ELL: variants seen among roughly 807,000 people sequenced by gnomAD.
ELL encodes elongation factor for RNA polymerase II.
ELL carries 18 observed loss-of-function variants against 64.0 expected under a neutral mutation model. That is an observed-to-expected ratio of 0.28 (90% confidence interval 0.19 to 0.42). ELL has a LOEUF of 0.42. ELL is among the 10% of genes least tolerant of loss of function. The pLI is 1.00. For missense variants in ELL, 797 were observed against 870.4 expected (o/e 0.92, Z 1.06); for synonymous variants, 399 against 376.2 (o/e 1.06, Z -0.70).
intron 5 of ELL, among the ~76,000 whole-genome samples, chr19:18,459,886 T>C (rs1056177440): frequency 6.6e-6 from 1 of 152,238 alleles, no homozygotes; most frequent in Non-Finnish European, 1.5e-5. Flanking sequence ...CCAGTTTCTC[T>C]GTAGCATAAA....
intron 1 of ELL, among the ~76,000 whole-genome samples, chr19:18,519,179 G>GA (rs1162571769): frequency 6.7e-6 from 1 of 148,366 alleles, no homozygotes; most frequent in African/African-American, 2.5e-5. Context: ...TGGCTAACAC[G>GA]AAAAATCGCA....
rs1318776970 is a variant in ELL at position 18,451,573 on chromosome 19, C to A, written c.945G>T (p.Gly315=). 5 of 1,492,736 alleles carry A rather than the reference C, an allele frequency of 3.3e-6. No homozygotes were observed. The highest frequency in any genetic ancestry group is 4.4e-6 in the Non-Finnish European group (5 of 1,129,546). The allele number at this position is 1,492,736 out of a possible 1,614,324, so 92.5% of individuals were successfully genotyped here. The stretch of plus-strand genomic sequence containing the variant: ...TTACCTGTGGGGGCGAGGCCGAGCG[C>A]CCACGCTCGCCTGGGGGGCTGGAGG... The part of the protein sequence containing the change: ...PAASSPPGER[G]RSASPPQKRL... Residue 315 remains glycine, a synonymous_variant, in exon 7 of 12, where the codon GGG becomes GGT. Transcript: ENST00000262809.
At chr19:18,478,218 AG>A (rs1975219760) in intron 1 of ELL, among the ~76,000 whole-genome samples, 1 of 152,180 alleles carries the variant, frequency 6.6e-6, no homozygotes, top group Non-Finnish European at 1.5e-5. Flanking sequence ...AACCCTTGTC[AG>A]GGGGGCCAAG....
intron 4 of ELL, among the ~76,000 whole-genome samples, chr19:18,462,874 TGG>T (rs1396561800): frequency 6.6e-6 from 1 of 152,140 alleles, no homozygotes; most frequent in Non-Finnish European, 1.5e-5. Flanking sequence ...GAGGTGCAAG[TGG>T]CACCCCAGCC....
intron 8 of ELL, among the ~76,000 whole-genome samples, chr19:18,450,156 TG>T (rs1416050881): frequency 6.6e-6 from 1 of 152,256 alleles, no homozygotes; most frequent in East Asian, 1.9e-4. Flanking sequence ...AGCTGGGGCC[TG>T]GGCCCCATTC....
chr19:18,484,121 G>A (rs1049999619), intron 1 of ELL, among the ~76,000 whole-genome samples: 2 of 152,364 alleles, frequency 1.3e-5, no homozygotes, highest in East Asian at 3.9e-4. Context: ...ACTCTGCAGT[G>A]TCTGAAACAG....
chr19:18,451,089 A>G (rs1974522410), intron 7 of ELL, 114 bp from the exon 8 acceptor site: 1 of 1,364,954 alleles, frequency 7.3e-7, no homozygotes, highest in African/African-American at 1.5e-5. Context: ...CACGCTGGCC[A>G]CATGGGGGCG....
chr19:18,520,989 C>T (rs1976255801), intron 1 of ELL, among the ~76,000 whole-genome samples: 1 of 151,698 alleles, frequency 6.6e-6, no homozygotes, highest in Non-Finnish European at 1.5e-5. Flanking sequence ...AGATGCGCCC[C>T]AAAGTCAGGC....
chr19:18,483,278 T>TC (rs1975343280), intron 1 of ELL, among the ~76,000 whole-genome samples: 1 of 152,134 alleles, frequency 6.6e-6, no homozygotes, highest in Admixed American at 6.5e-5. Context: ...CCCTGGATAT[T>TC]CCCCGGATGC....
chr19:18,448,583 G>C (rs1974464147), intron 8 of ELL: 1 of 152,298 alleles, frequency 6.6e-6, no homozygotes, highest in South Asian at 2.1e-4. Flanking sequence ...CGAAGGCCAA[G>C]CCCATGCTCC....
In ELL at chr19:18,459,496, C is replaced by T. The variant is rs188934728; in HGVS notation, c.745-1167G>A. Among the ~76,000 whole-genome samples the T allele has an allele frequency of 9.4e-4, 143 of 151,890 alleles. 1 individual carries two copies. The highest frequency in any genetic ancestry group is 3.3e-3 in the African/African-American group (138 of 41,386). ...TTCTGCTGCATCTGACATGGCTCTG[C>T]GTCACAGCGTATCCCATGGGGAGCA... On this transcript the variant is annotated intron_variant, in intron 5 of 11. Transcript: ENST00000262809.
Position 18,450,677 on chromosome 19 carries a change from G to C in ELL, c.1265C>G (p.Thr422Ser), listed in dbSNP as rs570976399. The change falls in exon 8 of 12, where the codon ACT becomes AGT. Residue 422 changes from threonine to serine, a missense_variant. Coordinates refer to ENST00000262809, the MANE Select transcript of ELL (RefSeq NM_006532.4). ...CAGCAGGGGCAGGCCGAGGCGCACA[G>C]TGGGGGCTGGGGCAGCCGCCTCTCC... ...EHGEAAAPAP[T>S]VRLGLPLLTD... The C allele has an allele frequency of 1.9e-5, 30 of 1,585,004 alleles. No homozygotes were observed. Among genetic ancestry groups the C allele is most frequent in the African/African-American group, 6.7e-5 (5 of 74,506 alleles).
chr19:18,497,607 C>G (rs1473250658), intron 1 of ELL, among the ~76,000 whole-genome samples: 1 of 151,808 alleles, frequency 6.6e-6, no homozygotes, highest in Admixed American at 6.6e-5. Context: ...ATCACTTGAG[C>G]CCAGAGTTTC....
At chr19:18,490,487 T>C (rs1975505339) in intron 1 of ELL, among the ~76,000 whole-genome samples, 1 of 152,232 alleles carries the variant, frequency 6.6e-6, no homozygotes, top group African/African-American at 2.4e-5. Context: ...AGTGGCACAC[T>C]GCACTCAGCT....
At position 18,475,394 on chromosome 19, in the gene ELL, C is replaced by T. The variant is rs114712695; in HGVS notation, c.136-2512G>A. On this transcript the variant is annotated intron_variant, in intron 1 of 11. Coordinates refer to ENST00000262809, the MANE Select transcript of ELL (RefSeq NM_006532.4). ...GGCGAGGACCCAGAACCTCTGCCGTCGTGGGCGGGAGTGGACAAGGCTCAG... is the reference window on the plus strand; with the variant it reads ...GGCGAGGACCCAGAACCTCTGCCGTTGTGGGCGGGAGTGGACAAGGCTCAG... Among the ~76,000 whole-genome samples, 408 of 152,298 alleles carry T rather than the reference C, an allele frequency of 2.7e-3. 2 individuals are homozygous for T. The highest frequency in any genetic ancestry group is 9.2e-3 in the African/African-American group (383 of 41,556).
chr19:18,507,885 C>A (rs1395950306), intron 1 of ELL, among the ~76,000 whole-genome samples: 1 of 152,226 alleles, frequency 6.6e-6, no homozygotes, highest in Admixed American at 6.5e-5. Flanking sequence ...TGACCCCCAG[C>A]TCCATCCCCA....
At chr19:18,460,748 T>G (rs1974791411) in intron 5 of ELL, among the ~76,000 whole-genome samples, 1 of 152,168 alleles carries the variant, frequency 6.6e-6, no homozygotes, top group Admixed American at 6.5e-5. Flanking sequence ...GTTCCTGAGG[T>G]GCTGGATGTG....
intron 1 of ELL, among the ~76,000 whole-genome samples, chr19:18,500,154 CAG>C (rs765062429): frequency 2.0e-5 from 3 of 151,558 alleles, no homozygotes; most frequent in African/African-American, 7.3e-5. Flanking sequence ...CCCAGCTACT[CAG>C]GGGGCTGAGG....
At chr19:18,505,778 C>A (rs997740216) in intron 1 of ELL, among the ~76,000 whole-genome samples, 2 of 152,140 alleles carry the variant, frequency 1.3e-5, no homozygotes, top group African/African-American at 4.8e-5. Flanking sequence ...CCCCAAAACA[C>A]CCCACGGACA....
Sources: gnomAD v4.1 joint callset for allele counts (sites outside exome capture counted in the v4.1 genomes callset) on GRCh38, gnomAD v4.1.1 for gene constraint, MANE v1.5 for transcripts, NCBI Gene and HGNC (gene_info 2026-07-23, HGNC 2026-07-21) for gene names.